RABGAP1L: variants seen among roughly 807,000 people sequenced by gnomAD.
RABGAP1L encodes rab GTPase-activating protein 1-like.
Under a neutral mutation model 137.7 loss-of-function variants are expected in RABGAP1L, and 63 were observed. That is an observed-to-expected ratio of 0.46 (90% CI 0.37 to 0.56). RABGAP1L has a LOEUF of 0.56. Ranked by LOEUF, RABGAP1L falls within the 20% of genes least tolerant of loss-of-function variation. The pLI is 0.00. For missense variants in RABGAP1L, 1,095 were observed against 1,244.0 expected, an observed-to-expected ratio of 0.88 and a Z score of 1.80; for synonymous variants, 431 against 433.7, an observed-to-expected ratio of 0.99 and a Z score of 0.08.
intron 17 of RABGAP1L, among the ~76,000 whole-genome samples, chr1:174,720,806 G>A (rs1681467214): frequency 6.6e-6 from 1 of 152,288 alleles, no homozygotes; most frequent in African/African-American, 2.4e-5. Context: ...GTTTTCTTTT[G>A]GAGATGATGC....
At chr1:174,746,399 A>C (rs1199351968) in intron 17 of RABGAP1L, among the ~76,000 whole-genome samples, 4 of 152,232 alleles carry the variant, frequency 2.6e-5, no homozygotes, top group Non-Finnish European at 5.9e-5. Flanking sequence ...CATTAGAGGA[A>C]GGTGGTGACC....
chr1:174,419,176 C>T (rs545832218), intron 13 of RABGAP1L, among the ~76,000 whole-genome samples: 84 of 152,236 alleles, frequency 5.5e-4, no homozygotes, highest in African/African-American at 1.9e-3. Flanking sequence ...TTTAATTTTA[C>T]TGCTGCCTGT....
chr1:174,245,960 T>C (rs1672222761), intron 5 of RABGAP1L: 1 of 152,130 alleles, frequency 6.6e-6, no homozygotes, highest in East Asian at 1.9e-4. Flanking sequence ...TCTTGATATA[T>C]GGTGTTTCCA....
intron 18 of RABGAP1L, among the ~76,000 whole-genome samples, chr1:174,791,490 A>C (rs558526402): frequency 6.6e-6 from 1 of 152,316 alleles, no homozygotes; most frequent in Non-Finnish European, 1.5e-5. Context: ...ATGACAATAC[A>C]CACACATAAA....
chr1:174,182,650 T>G (rs1666470627), intron 1 of RABGAP1L, among the ~76,000 whole-genome samples: 1 of 152,226 alleles, frequency 6.6e-6, no homozygotes, highest in Non-Finnish European at 1.5e-5. Flanking sequence ...ATTCTGAGTC[T>G]GAATATTTCC....
At chr1:174,834,108 T>C (rs1692468927) in intron 19 of RABGAP1L, among the ~76,000 whole-genome samples, 1 of 152,170 alleles carries the variant, frequency 6.6e-6, no homozygotes, top group Admixed American at 6.5e-5. Context: ...CCAGGAATTA[T>C]GAGAAAGTCT....
At chr1:174,370,463 C>CTTTTTTT (rs1183875194) in intron 11 of RABGAP1L, among the ~76,000 whole-genome samples, 6 of 37,872 alleles carry the variant, frequency 1.6e-4, no homozygotes, top group African/African-American at 6.9e-4. Context: ...TTAAAAATAC[C>CTTTTTTT]TTTTTTTTTT....
At chr1:174,615,820 T>G (rs906019592) in intron 13 of RABGAP1L, among the ~76,000 whole-genome samples, 30 of 152,224 alleles carry the variant, frequency 2.0e-4, no homozygotes, top group Non-Finnish European at 4.3e-4. Flanking sequence ...CGCCTTGCAG[T>G]TTGATCTCCG....
At chr1:174,852,354 G>A (rs932569934) in intron 19 of RABGAP1L, among the ~76,000 whole-genome samples, 1 of 152,226 alleles carries the variant, frequency 6.6e-6, no homozygotes, top group African/African-American at 2.4e-5. Context: ...CAATAAGACT[G>A]TGACTCTCTG....
chr1:174,454,383 G>T (rs929433619), intron 13 of RABGAP1L, among the ~76,000 whole-genome samples: 2 of 152,020 alleles, frequency 1.3e-5, no homozygotes, highest in Admixed American at 6.6e-5. Flanking sequence ...ATAAAGATAG[G>T]TTATATAGTT....
At chr1:174,422,845 G>A (rs1158164979) in intron 13 of RABGAP1L, among the ~76,000 whole-genome samples, 1 of 150,900 alleles carries the variant, frequency 6.6e-6, no homozygotes, top group East Asian at 2.0e-4. Flanking sequence ...TACTTGGGAA[G>A]CTGAGGCACG....
At chr1:174,637,939 A>G (rs1214205467) in intron 14 of RABGAP1L, among the ~76,000 whole-genome samples, 1 of 152,180 alleles carries the variant, frequency 6.6e-6, no homozygotes, top group Non-Finnish European at 1.5e-5. Context: ...ATATTTTTGT[A>G]CGGTTTTTAT....
chr1:174,802,492 A>G (rs1310616442), intron 18 of RABGAP1L, among the ~76,000 whole-genome samples: 1 of 152,186 alleles, frequency 6.6e-6, no homozygotes, highest in Admixed American at 6.5e-5. Flanking sequence ...CTTTAATCCC[A>G]GTTATTTGGG....
chr1:174,723,661 C>G (rs999337031), intron 17 of RABGAP1L, among the ~76,000 whole-genome samples: 6 of 152,102 alleles, frequency 3.9e-5, no homozygotes, highest in Non-Finnish European at 7.4e-5. Flanking sequence ...AGTTGCATAT[C>G]ATATATTTAA....
chr1:174,659,812 G>GT (rs955100670), intron 14 of RABGAP1L, among the ~76,000 whole-genome samples: 17 of 151,572 alleles, frequency 1.1e-4, no homozygotes, highest in South Asian at 8.3e-4. Flanking sequence ...CTCACCCGTA[G>GT]TTTTTTTTTC....
At chr1:174,378,444 C>G (rs1685774121) in intron 12 of RABGAP1L, among the ~76,000 whole-genome samples, 2 of 150,584 alleles carry the variant, frequency 1.3e-5, no homozygotes, top group African/African-American at 4.9e-5. Context: ...CTCTCCAGCA[C>G]CTGTTGTTTC....
Position 174,221,003 on chromosome 1 carries a change from A to G in RABGAP1L, c.170A>G (p.Lys57Arg), listed in dbSNP as rs1669712431. The change falls in exon 3 of 26, where the codon AAA becomes AGA. Residue 57 changes from lysine (K) to arginine (R), a missense_variant. Lys to Arg is a conservative substitution (Grantham distance 26). Coordinates refer to ENST00000681986, the MANE Select transcript of RABGAP1L (RefSeq NM_001366446.1). ...IVSNGDEQLE[K>R]AMEEILRDSE... ...TCTAATGGTGATGAACAATTGGAAA[A>G]AGCCATGGAAGAGATTTTGAGAGAT... The G allele has an allele frequency of 6.2e-7, 1 of 1,611,478 alleles. No homozygotes were observed. Among genetic ancestry groups the G allele is most frequent in the African/African-American group, 1.3e-5 (1 of 74,842 alleles).
At chr1:174,238,689 T>C (rs1379757397) in intron 4 of RABGAP1L, 10 of 150,308 alleles carry the variant, frequency 6.7e-5, no homozygotes, top group East Asian at 1.9e-4. Context: ...GACAGGGACA[T>C]TTAAGTCTGC....
intron 19 of RABGAP1L, chr1:174,875,433 CTT>C (rs914325787): frequency 5.2e-5 from 37 of 706,188 alleles, no homozygotes; most frequent in Non-Finnish European, 5.9e-5. Flanking sequence ...GGTTATAACT[CTT>C]GTTTGCCCCT....
Sources: gnomAD v4.1 joint callset for allele counts (sites outside exome capture counted in the v4.1 genomes callset) on GRCh38, gnomAD v4.1.1 for gene constraint, MANE v1.5 for transcripts, NCBI Gene and HGNC (gene_info 2026-07-23, HGNC 2026-07-21) for gene names.